CACNA1B: variants seen among roughly 807,000 people sequenced by gnomAD.
CACNA1B encodes the protein calcium voltage-gated channel subunit alpha1 B.
CACNA1B carries 70 observed loss-of-function variants against 247.2 expected under a neutral mutation model. The ratio of observed to expected loss-of-function variants is 0.28; its 90% CI spans 0.23 to 0.35. The LOEUF (loss-of-function observed/expected upper bound fraction) is 0.35. Ranked by LOEUF, CACNA1B falls within the 10% of genes least tolerant of loss-of-function variation. CACNA1B has a pLI of 1.00. For missense variants in CACNA1B, 2,367 were observed against 3,197.4 expected (o/e 0.74, Z 6.26); for synonymous variants, 1,231 against 1,294.4 (o/e 0.95, Z 1.05).
intron 3 of CACNA1B, among the ~76,000 whole-genome samples, chr9:137,903,624 C>A (rs933741345): frequency 2.6e-5 from 4 of 152,124 alleles, no homozygotes; most frequent in Non-Finnish European, 4.4e-5. Flanking sequence ...GTCCCAATAA[C>A]CCCGCTGGGA....
rs746267190 is a variant in CACNA1B, at chr9:138,058,676, C to CT, written c.4419dup (p.Glu1474Ter). The stretch of plus-strand genomic sequence containing the variant: ...CGTGGACATTTGTGGTCTCCCCGCC[C>CT]TTTGAATACTTCATCATGGCCATGA... On this transcript the variant is annotated frameshift_variant, in exon 29 of 47. Transcript: ENST00000371372. LOFTEE classifies it high-confidence loss of function. The surrounding 1 kb of genome is among the most constrained non-coding windows in gnomAD (Gnocchi z 4.7). The CT allele has an allele frequency of 6.2e-7, 1 of 1,612,800 alleles. No individual in the cohort carries two copies. The highest frequency in any genetic ancestry group is 8.5e-7 in the Non-Finnish European group (1 of 1,179,362).
At chr9:138,037,606 C>T (rs1024378773) in intron 20 of CACNA1B, among the ~76,000 whole-genome samples, 4 of 152,004 alleles carry the variant, frequency 2.6e-5, no homozygotes, top group South Asian at 2.1e-4. Context: ...TTGCAGTGAG[C>T]TGAGATCGCG....
intron 3 of CACNA1B, among the ~76,000 whole-genome samples, chr9:137,894,302 A>ATTTTTTTTT (rs56794355): frequency 4.2e-5 from 4 of 96,060 alleles, no homozygotes; most frequent in East Asian, 3.1e-4. Flanking sequence ...TTGTCTCTGT[A>ATTTTTTTTT]TTTTTTTTTT....
At position 138,012,870 on chromosome 9, in the gene CACNA1B, G is replaced by A. The variant is rs968706579; in HGVS notation, c.2161-259G>A. 2.6e-5 allele frequency among the ~76,000 whole-genome samples: 4 copies of A among 152,216 alleles called. No individual in the cohort carries two copies. Among genetic ancestry groups the A allele is most frequent in the Middle Eastern group, 6.8e-3 (2 of 294 alleles). Reference sequence around the variant, plus strand: ...GACGGCACAAGCAAGAGGGCACTGAGGAAGGAATCCTAGTGACCATTACCT... The same window carrying A: ...GACGGCACAAGCAAGAGGGCACTGAAGAAGGAATCCTAGTGACCATTACCT... On this transcript the variant is annotated intron_variant, in intron 17 of 46. Coordinates refer to ENST00000371372, the MANE Select transcript of CACNA1B (RefSeq NM_000718.4). This position sits in a 1 kb window ranked among gnomAD's most constrained non-coding sequence, Gnocchi z 4.2.
Position 138,118,029 on chromosome 9 carries a change from C to A in CACNA1B, c.5861C>A (p.Pro1954His). The change falls in exon 43 of 47, where the codon CCC (proline) becomes CAC (histidine). Residue 1954 changes from proline (P) to histidine (H), a missense_variant. This residue lies in a region of CACNA1B where 773 missense variants were observed against 779.4 expected (regional missense o/e 0.99). Coordinates refer to ENST00000371372, the MANE Select transcript of CACNA1B (RefSeq NM_000718.4). ...TQDAPHEARP[P>H]LERGHSTEIP... ...GATGCACCCCATGAGGCCAGGCCAC[C>A]CCTGGAGCGTGGCCACTCCACAGAG... The A allele has an allele frequency of 6.3e-7, 1 of 1,599,050 alleles. No individual in the cohort carries two copies. Among genetic ancestry groups the A allele is most frequent in the Non-Finnish European group, 8.5e-7 (1 of 1,172,506 alleles).
intron 36 of CACNA1B, among the ~76,000 whole-genome samples, chr9:138,088,232 G>A (rs762385194): frequency 3.2e-4 from 48 of 152,032 alleles, no homozygotes; most frequent in Non-Finnish European, 5.9e-4. Flanking sequence ...AGCCAGTTAT[G>A]TTGGCGGGCA....
Position 138,058,600 on chromosome 9 carries a change from A to G in CACNA1B, c.4340A>G (p.Lys1447Arg). The G allele has an allele frequency of 2.5e-6, 4 of 1,613,012 alleles. No homozygotes were observed. Among genetic ancestry groups the G allele is most frequent in the Non-Finnish European group, 3.4e-6 (4 of 1,179,654 alleles). Residue 1447 changes from lysine to arginine, a missense_variant, in exon 29 of 47, where the codon AAA becomes AGA. This residue lies in a region of CACNA1B where 436 missense variants were observed against 679.5 expected (regional missense o/e 0.64). Coordinates refer to ENST00000371372, the MANE Select transcript of CACNA1B (RefSeq NM_000718.4). This position sits in a 1 kb window ranked among gnomAD's most constrained non-coding sequence, Gnocchi z 4.7. ...RACIDFAISA[K>R]PLTRYMPQNR... ...TGCATTGACTTCGCCATCAGCGCCAAACCCCTGACACGGTACATGCCCCAA... is the reference window on the plus strand; with the variant it reads ...TGCATTGACTTCGCCATCAGCGCCAGACCCCTGACACGGTACATGCCCCAA...
intron 34 of CACNA1B, among the ~76,000 whole-genome samples, chr9:138,074,340 A>G (rs1960239160): frequency 1.3e-5 from 2 of 151,628 alleles, no homozygotes; most frequent in African/African-American, 4.9e-5. Context: ...TGCTAGGTTC[A>G]AGCGATTCTC....
intron 20 of CACNA1B, among the ~76,000 whole-genome samples, chr9:138,025,792 C>G (rs997232427): frequency 2.6e-5 from 4 of 152,150 alleles, no homozygotes; most frequent in African/African-American, 9.7e-5. Flanking sequence ...TGAAACCTGT[C>G]TAATAGGGAG....
intron 6 of CACNA1B, among the ~76,000 whole-genome samples, chr9:137,949,021 T>C (rs1263078245): frequency 6.8e-6 from 1 of 148,080 alleles, no homozygotes; most frequent in Admixed American, 6.8e-5. Flanking sequence ...GTTTTGTGTG[T>C]GTGGTGTATA....
At chr9:138,029,091 C>CT (rs1253419526) in intron 20 of CACNA1B, among the ~76,000 whole-genome samples, 3 of 152,148 alleles carry the variant, frequency 2.0e-5, no homozygotes, top group African/African-American at 2.4e-5. Context: ...GGCATGTATA[C>CT]TTTTTTTTAA....
rs1170331978 is a variant in CACNA1B, at chr9:138,049,258, T to A, written c.3653T>A (p.Leu1218Ter). 1 of 1,613,772 alleles carries A rather than the reference T, an allele frequency of 6.2e-7. No individual in the cohort carries two copies. The highest frequency in any genetic ancestry group is 1.3e-5 in the African/African-American group (1 of 74,946). Residue 1218 changes from leucine to a stop codon, truncating the protein, a stop_gained, in exon 24 of 47, where the codon TTG (leucine) becomes TAG (stop). Transcript: ENST00000371372. LOFTEE classifies it high-confidence loss of function. ...CACCCTGGAGCCTATTTCCGGGACT[T>A]GTGGAACATTCTGGACTTCATTGTG... ...LLHPGAYFRD[L>*]WNILDFIVVS...
intron 3 of CACNA1B, among the ~76,000 whole-genome samples, chr9:137,885,235 G>A (rs1171194607): frequency 1.3e-5 from 2 of 151,756 alleles, no homozygotes; most frequent in Non-Finnish European, 2.9e-5. Flanking sequence ...TGTGTCCCAC[G>A]GGGCCACATG....
At chr9:138,019,887 C>T (rs1048492952) in intron 18 of CACNA1B, among the ~76,000 whole-genome samples, 4 of 151,988 alleles carry the variant, frequency 2.6e-5, no homozygotes, top group African/African-American at 7.3e-5. Context: ...TCCCTGAGCT[C>T]AGGAGTTCGA....
At chr9:138,064,716 T>C (rs994215524) in intron 31 of CACNA1B, among the ~76,000 whole-genome samples, 1 of 152,132 alleles carries the variant, frequency 6.6e-6, no homozygotes, top group Admixed American at 6.5e-5. Context: ...ACTGTGGTGG[T>C]TCCAGGCAAC....
At chr9:137,979,169 C>G (rs925010097) in intron 12 of CACNA1B, among the ~76,000 whole-genome samples, 3 of 152,222 alleles carry the variant, frequency 2.0e-5, no homozygotes, top group African/African-American at 4.8e-5. Context: ...CTACAAAAAT[C>G]TGTCTCACAT....
chr9:138,050,181 A>G lies in CACNA1B; in HGVS notation c.3710+866A>G, dbSNP rs1959228412. 1 of 924,286 alleles carries G rather than the reference A, an allele frequency of 1.1e-6. No homozygotes were observed. The highest frequency in any genetic ancestry group is 1.7e-5 in the African/African-American group (1 of 58,660). 57.3% of individuals were successfully genotyped at this position (924,286 alleles called of 1,614,324 possible). A position where few individuals can be genotyped will look rare whatever the true frequency, so the allele number is the denominator to read the frequency against. ...TCATCTCCAGCCTCACCCCCCGCCC[A>G]TCCACTTTCACCCCATCGGGGCTGC... On this transcript the variant is annotated intron_variant, in intron 24 of 46. Transcript: ENST00000371372. The surrounding 1 kb of genome is among the most constrained non-coding windows in gnomAD (Gnocchi z 5.2).
chr9:137,957,386 G>A lies in CACNA1B; in HGVS notation c.1244-212G>A, dbSNP rs539402364. Among the ~76,000 whole-genome samples, 1 of 152,322 alleles carries A rather than the reference G, an allele frequency of 6.6e-6. No individual in the cohort carries two copies. The highest frequency in any genetic ancestry group is 1.9e-4 in the East Asian group (1 of 5,176). On this transcript the variant is annotated intron_variant, in intron 9 of 46. Coordinates refer to ENST00000371372, the MANE Select transcript of CACNA1B (RefSeq NM_000718.4). The surrounding 1 kb of genome is among the most constrained non-coding windows in gnomAD (Gnocchi z 4.7). ...CATTTTGGAAGAAAGGGAAAGCGGG[G>A]ACCCCTCACCCTCAAAATTCCTTGT...
At chr9:138,095,408 T>TA (rs747481919) in intron 36 of CACNA1B, among the ~76,000 whole-genome samples, 30 of 152,220 alleles carry the variant, frequency 2.0e-4, no homozygotes, top group Non-Finnish European at 3.8e-4. Flanking sequence ...TACAATGAGA[T>TA]ACCTCTTTAC....
Sources: gnomAD v4.1 joint callset for allele counts (sites outside exome capture counted in the v4.1 genomes callset) on GRCh38, gnomAD v4.1.1 for gene constraint, gnomAD v4.1.1 regional missense constraint, Gnocchi (gnomAD v3.1) non-coding constraint, MANE v1.5 for transcripts, NCBI Gene and HGNC (gene_info 2026-07-23, HGNC 2026-07-21) for gene names.